RIMS2: variants seen among roughly 807,000 people sequenced by gnomAD.
The protein encoded by RIMS2 is regulating synaptic membrane exocytosis protein 2.
A neutral mutation model predicts 174.4 loss-of-function variants in RIMS2; 59 were observed. The ratio of observed to expected loss-of-function variants is 0.34; its 90% CI spans 0.27 to 0.42. The LOEUF is 0.42. Ranked by LOEUF, RIMS2 falls within the 10% of genes least tolerant of loss-of-function variation. RIMS2 has a pLI of 1.00. For synonymous variants in RIMS2, 606 were observed against 572.5 expected, an observed-to-expected ratio of 1.06 and a Z score of -0.84; for missense variants, 1,620 against 1,666.3, an observed-to-expected ratio of 0.97 and a Z score of 0.48.
intron 4 of RIMS2, among the ~76,000 whole-genome samples, chr8:103,890,483 T>C (rs993927418): frequency 1.3e-5 from 2 of 152,034 alleles, no homozygotes; most frequent in Admixed American, 6.6e-5. Context: ...TATAAGGCAA[T>C]TGTACTAAAC....
At chr8:103,756,279 A>G (rs1483530280) in intron 2 of RIMS2, among the ~76,000 whole-genome samples, 1 of 151,836 alleles carries the variant, frequency 6.6e-6, no homozygotes, top group Non-Finnish European at 1.5e-5. Context: ...AAATGTAGAA[A>G]TCACCCATCT....
chr8:104,037,918 G>A (rs1181634263), intron 19 of RIMS2, among the ~76,000 whole-genome samples: 1 of 151,996 alleles, frequency 6.6e-6, no homozygotes, highest in Non-Finnish European at 1.5e-5. Flanking sequence ...TTTACTGTAT[G>A]TTTTCTATGT....
At chr8:103,599,056 C>G (rs964797225) in intron 1 of RIMS2, among the ~76,000 whole-genome samples, 16 of 152,048 alleles carry the variant, frequency 1.1e-4, no homozygotes, top group Non-Finnish European at 2.2e-4. Flanking sequence ...TAGGGAGAGA[C>G]AGCTATTAGG....
intron 19 of RIMS2, among the ~76,000 whole-genome samples, chr8:104,055,784 G>C (rs1171988491): frequency 6.6e-6 from 1 of 152,126 alleles, no homozygotes; most frequent in African/African-American, 2.4e-5. Flanking sequence ...AGCAGTCTGG[G>C]ACTCTTTTTC....
chr8:103,553,326 C>T (rs1250222784), intron 1 of RIMS2, among the ~76,000 whole-genome samples: 2 of 152,090 alleles, frequency 1.3e-5, no homozygotes, highest in Admixed American at 6.6e-5. Flanking sequence ...AACCATCATT[C>T]CGAGCAAACT....
At chr8:103,959,364 G>T (rs1413387428) in intron 14 of RIMS2, among the ~76,000 whole-genome samples, 1 of 151,828 alleles carries the variant, frequency 6.6e-6, no homozygotes, top group Non-Finnish European at 1.5e-5. Context: ...CTTTCTGTCT[G>T]CTTTTAATCT....
intron 3 of RIMS2, among the ~76,000 whole-genome samples, chr8:103,867,536 A>T (rs1037393667): frequency 2.6e-5 from 4 of 151,960 alleles, no homozygotes; most frequent in African/African-American, 9.6e-5. Context: ...GCAAGGAGTT[A>T]GTCTTTGATT....
At chr8:104,230,881 T>A (rs1328683880) in intron 19 of RIMS2, among the ~76,000 whole-genome samples, 2 of 148,522 alleles carry the variant, frequency 1.3e-5, no homozygotes, top group Non-Finnish European at 3.0e-5. Flanking sequence ...GTTGGAAAAT[T>A]TACTCTTTTT....
chr8:103,996,927 T>C (rs1050447137), intron 17 of RIMS2, among the ~76,000 whole-genome samples: 10 of 151,320 alleles, frequency 6.6e-5, no homozygotes, highest in African/African-American at 2.4e-4. Flanking sequence ...GCTAGAGAGG[T>C]TTCAGAAACC....
At chr8:103,639,502 T>C (rs771891705) in intron 1 of RIMS2, among the ~76,000 whole-genome samples, 5 of 151,934 alleles carry the variant, frequency 3.3e-5, no homozygotes, top group African/African-American at 4.8e-5. Flanking sequence ...TCTTTATCTA[T>C]AGTTTTGCCT....
intron 3 of RIMS2, among the ~76,000 whole-genome samples, chr8:103,883,149 A>G (rs1309558653): frequency 6.6e-6 from 1 of 151,744 alleles, no homozygotes; most frequent in African/African-American, 2.4e-5. Context: ...AATTTATAAG[A>G]TAGTGTGTGG....
chr8:104,059,999 A>G (rs1338641081), intron 19 of RIMS2, among the ~76,000 whole-genome samples: 2 of 151,772 alleles, frequency 1.3e-5, no homozygotes, highest in East Asian at 1.9e-4. Flanking sequence ...TTTTTGCATC[A>G]ATGTTCATCA....
At chr8:103,574,523 T>C (rs914984362) in intron 1 of RIMS2, among the ~76,000 whole-genome samples, 2 of 152,236 alleles carry the variant, frequency 1.3e-5, no homozygotes, top group African/African-American at 2.4e-5. Flanking sequence ...TTTATTCCTC[T>C]GATATGGAGC....
chr8:103,790,970 G>T (rs1052993084), intron 3 of RIMS2, among the ~76,000 whole-genome samples: 2 of 152,176 alleles, frequency 1.3e-5, no homozygotes, highest in Non-Finnish European at 2.9e-5. Flanking sequence ...GTGACGGGGA[G>T]AATGGAACCA....
chr8:104,079,402 C>A (rs1024213655), intron 19 of RIMS2, among the ~76,000 whole-genome samples: 1 of 151,602 alleles, frequency 6.6e-6, no homozygotes, highest in African/African-American at 2.4e-5. Context: ...TCTTTGCTTT[C>A]ATCAAGGCTC....
At chr8:103,621,223 C>T (rs934161547) in intron 1 of RIMS2, among the ~76,000 whole-genome samples, 5 of 152,158 alleles carry the variant, frequency 3.3e-5, no homozygotes, top group African/African-American at 1.2e-4. Context: ...AGAAAGGGTA[C>T]ACCCACCAGC....
chr8:103,629,894 A>T (rs528839835), intron 1 of RIMS2, among the ~76,000 whole-genome samples: 1 of 152,244 alleles, frequency 6.6e-6, no homozygotes, highest in African/African-American at 2.4e-5. Context: ...ACCATCTTGG[A>T]TACTCTGGCA....
intron 19 of RIMS2, among the ~76,000 whole-genome samples, 165 bp from the exon 25 acceptor site, chr8:104,148,442 A>C (rs1046179992): frequency 6.6e-6 from 1 of 152,210 alleles, no homozygotes; most frequent in Non-Finnish European, 1.5e-5. Flanking sequence ...GGCCCAGAGT[A>C]ACAAAGCACA....
chr8:104,142,159 T>C (rs2098587168), intron 19 of RIMS2, among the ~76,000 whole-genome samples: 1 of 149,008 alleles, frequency 6.7e-6, no homozygotes, highest in Non-Finnish European at 1.5e-5. Flanking sequence ...AGAGTTTCGC[T>C]CTTGTTGCCC....
Sources: gnomAD v4.1 joint callset for allele counts (sites outside exome capture counted in the v4.1 genomes callset) on GRCh38, gnomAD v4.1.1 for gene constraint, MANE v1.5 for transcripts, NCBI Gene and HGNC (gene_info 2026-07-23, HGNC 2026-07-21) for gene names.